ATOSA: variants seen among roughly 807,000 people sequenced by gnomAD.
The protein encoded by ATOSA is atos homolog protein A.
the ATOSA span, among the ~76,000 whole-genome samples, chr15:52,647,027 C>T: frequency 6.6e-6 from 1 of 152,100 alleles, no homozygotes; most frequent in South Asian, 2.1e-4. Context: ...AATTAGGATA[C>T]CTATTTTTAA....
chr15:52,599,029 C>T, the ATOSA span, among the ~76,000 whole-genome samples: 3 of 152,326 alleles, frequency 2.0e-5, no homozygotes, highest in African/African-American at 4.8e-5. Context: ...GATGCCAGCA[C>T]CATGCTTCAT....
the ATOSA span, among the ~76,000 whole-genome samples, chr15:52,664,344 T>C: frequency 6.6e-6 from 1 of 152,238 alleles, no homozygotes; most frequent in Non-Finnish European, 1.5e-5. Flanking sequence ...TAGGGAATAC[T>C]GGCCCTGTAT....
At chr15:52,662,307 G>T in the ATOSA span, among the ~76,000 whole-genome samples, 7 of 152,124 alleles carry the variant, frequency 4.6e-5, no homozygotes, top group East Asian at 1.3e-3. Context: ...GAAACTGAAG[G>T]GTATGAAAGC....
chr15:52,663,177 C>T, the ATOSA span, among the ~76,000 whole-genome samples: 4 of 152,118 alleles, frequency 2.6e-5, no homozygotes, highest in Non-Finnish European at 5.9e-5. Context: ...TCAGAATGTC[C>T]TTCCTTCCAT....
At chr15:52,636,990 A>C in the ATOSA span, among the ~76,000 whole-genome samples, 4 of 152,296 alleles carry the variant, frequency 2.6e-5, no homozygotes, top group African/African-American at 7.2e-5. Context: ...GTTGGCACTC[A>C]GTTGGAGAAA....
At chr15:52,615,701 C>T in the ATOSA span, among the ~76,000 whole-genome samples, 3 of 152,104 alleles carry the variant, frequency 2.0e-5, no homozygotes, top group African/African-American at 7.2e-5. Flanking sequence ...AGGAAGAAGC[C>T]TTGGGAGTAA....
the ATOSA span, among the ~76,000 whole-genome samples, chr15:52,653,935 A>G: frequency 6.6e-6 from 1 of 152,326 alleles, no homozygotes; most frequent in Admixed American, 6.5e-5. Flanking sequence ...TTATTTGACC[A>G]TCTTCATTGT....
chr15:52,600,700 T>A, the ATOSA span, among the ~76,000 whole-genome samples: 1 of 151,984 alleles, frequency 6.6e-6, no homozygotes, highest in African/African-American at 2.4e-5. Flanking sequence ...AATCTTATTT[T>A]CAGTTAAGAA....
the ATOSA span, among the ~76,000 whole-genome samples, chr15:52,632,669 A>G: frequency 6.6e-6 from 1 of 152,244 alleles, no homozygotes; most frequent in Non-Finnish European, 1.5e-5. Context: ...AGTGTAGTTG[A>G]CAAGTATATT....
At chr15:52,616,471 T>C in the ATOSA span, among the ~76,000 whole-genome samples, 2 of 152,210 alleles carry the variant, frequency 1.3e-5, no homozygotes, top group African/African-American at 2.4e-5. Flanking sequence ...TGGTGGTTCA[T>C]GCCTGTAATC....
the ATOSA span, among the ~76,000 whole-genome samples, chr15:52,680,884 A>ACTTTGCAATTAAC: frequency 6.6e-6 from 1 of 152,142 alleles, no homozygotes; most frequent in East Asian, 1.9e-4. Context: ...TTCTACAAGC[A>ACTTTGCAATTAAC]CTTGGTAATG....
the ATOSA span, among the ~76,000 whole-genome samples, chr15:52,683,764 G>C: frequency 6.6e-6 from 1 of 152,202 alleles, no homozygotes; most frequent in Admixed American, 6.5e-5. Flanking sequence ...AGCATGACTT[G>C]AGAGCATACG....
chr15:52,669,325 A>G, the ATOSA span, among the ~76,000 whole-genome samples: 1 of 152,222 alleles, frequency 6.6e-6, no homozygotes, highest in South Asian at 2.1e-4. Context: ...GTATATCAGC[A>G]TCCTTCTGTC....
chr15:52,606,854 C>T, the ATOSA span, among the ~76,000 whole-genome samples: 3 of 152,078 alleles, frequency 2.0e-5, no homozygotes. Context: ...ATAAAGAAGA[C>T]AAACTTAGGT....
the ATOSA span, among the ~76,000 whole-genome samples, chr15:52,583,860 A>G: frequency 2.6e-5 from 4 of 152,302 alleles, no homozygotes; most frequent in South Asian, 6.2e-4. Flanking sequence ...GACTGAGATG[A>G]AAGAACTAAT....
the ATOSA span, among the ~76,000 whole-genome samples, chr15:52,707,766 A>T: frequency 6.6e-6 from 1 of 152,250 alleles, no homozygotes; most frequent in African/African-American, 2.4e-5. Flanking sequence ...TCAGAAAAAA[A>T]GTCAAATCGT....
the ATOSA span, among the ~76,000 whole-genome samples, chr15:52,629,017 C>T: frequency 1.3e-5 from 2 of 152,176 alleles, no homozygotes; most frequent in African/African-American, 4.8e-5. Context: ...TAACAAACAT[C>T]TTGCCCTCGC....
chr15:52,653,911 G>T, the ATOSA span, among the ~76,000 whole-genome samples: 1 of 152,116 alleles, frequency 6.6e-6, no homozygotes, highest in South Asian at 2.1e-4. Context: ...GGTGACTAGT[G>T]CAAGTAGAAC....
the ATOSA span, among the ~76,000 whole-genome samples, chr15:52,703,425 C>T: frequency 1.3e-5 from 2 of 152,076 alleles, no homozygotes; most frequent in Non-Finnish European, 2.9e-5. Flanking sequence ...AATTAAATTA[C>T]CCTAAGATAC....
Sources: allele counts gnomAD v4.1 joint callset (sites outside exome capture counted in the v4.1 genomes callset), GRCh38; gene constraint gnomAD v4.1.1; transcripts MANE v1.5; gene names NCBI Gene and HGNC (gene_info 2026-07-23, HGNC 2026-07-21).